The following FRAS1 variants were observed in gnomAD, a reference collection of about 807,000 sequenced individuals.
The protein encoded by FRAS1 is Fraser extracellular matrix complex subunit 1.
A neutral mutation model predicts 435.2 loss-of-function variants in FRAS1; 290 were observed. The ratio of observed to expected loss-of-function variants is 0.67; its 90% CI spans 0.61 to 0.73. The LOEUF is 0.73. FRAS1 is among the 30% of genes least tolerant of loss of function. The probability of loss-of-function intolerance (pLI) is 0.00; values close to 1 mark genes in which losing one functional copy is unlikely to be tolerated. For synonymous variants in FRAS1, 1,800 were observed against 1,851.0 expected (o/e 0.97, Z 0.71); for missense variants, 4,860 against 5,001.5 (o/e 0.97, Z 0.85).
chr4:78,406,310 A>T (rs1447622002), intron 30 of FRAS1, among the ~76,000 whole-genome samples: 1 of 152,188 alleles, frequency 6.6e-6, no homozygotes, highest in East Asian at 1.9e-4. Flanking sequence ...GAATTAATAG[A>T]AGTGTATTAG....
rs1415223243 is a variant in FRAS1, at chr4:78,302,109, G to GT, written c.1535-5951dup. 5.3e-5 allele frequency among the ~76,000 whole-genome samples: 8 copies of GT among 151,146 alleles called. No homozygotes were observed. In the East Asian group the frequency reaches 1.4e-3, roughly 26 times the overall value. On this transcript the variant is annotated intron_variant, in intron 14 of 73. Coordinates refer to ENST00000512123, the MANE Select transcript of FRAS1 (RefSeq NM_025074.7). Reference sequence around the variant, plus strand: ...TATGAGTGAGAATATGCGGTGTTTGGTTTTTTGTTCTTGAGATAGTTTACT... The same window carrying GT: ...TATGAGTGAGAATATGCGGTGTTTGGTTTTTTTGTTCTTGAGATAGTTTACT...
rs758556454 is a variant in FRAS1 at position 78,508,880 on chromosome 4, G to A, written c.9654G>A (p.Glu3218=). The A allele has an allele frequency of 9.3e-6, 15 of 1,613,778 alleles. No homozygotes were observed. In the Admixed American group the frequency reaches 1.5e-4, roughly 16 times the overall value. The change falls in exon 63 of 74, where the codon GAG becomes GAA. Residue 3218 remains glutamate, a synonymous_variant. Transcript: ENST00000512123. ...RYAVMKERCS[E]AGINQTSVQF... The stretch of plus-strand genomic sequence containing the variant: ...CTGTCATGAAGGAGCGCTGCAGTGA[G>A]GCCGGCATCAACCAGACATCTGTGC...
At chr4:78,229,082 G>T (rs1202395348) in intron 2 of FRAS1, among the ~76,000 whole-genome samples, 2 of 152,158 alleles carry the variant, frequency 1.3e-5, no homozygotes, top group African/African-American at 2.4e-5. Flanking sequence ...ATGGAGGTGG[G>T]TTTGGTGGGA....
chr4:78,464,854 A>C (rs1719479604), intron 49 of FRAS1, among the ~76,000 whole-genome samples: 1 of 152,154 alleles, frequency 6.6e-6, no homozygotes, highest in Non-Finnish European at 1.5e-5. Flanking sequence ...TAACATGCTG[A>C]TTTTGTATTG....
intron 61 of FRAS1, among the ~76,000 whole-genome samples, chr4:78,502,117 G>C (rs1281780549): frequency 3.9e-5 from 6 of 152,144 alleles, no homozygotes; most frequent in Admixed American, 3.9e-4. Context: ...TTTGGTTACT[G>C]TAGCCATGTA....
At chr4:78,229,234 A>C (rs534404150) in intron 2 of FRAS1, among the ~76,000 whole-genome samples, 82 of 152,310 alleles carry the variant, frequency 5.4e-4, no homozygotes, top group African/African-American at 1.9e-3. Context: ...ATCTATCTCA[A>C]AGGTTTTAGG....
chr4:78,182,107 G>T, intron 2 of FRAS1: 11 of 1,257,748 alleles, frequency 8.7e-6, no homozygotes, highest in South Asian at 3.3e-5. Flanking sequence ...AGCCAAGAGC[G>T]CCTGCTTCAG....
At chr4:78,199,949 T>C (rs1356421682) in intron 2 of FRAS1, among the ~76,000 whole-genome samples, 2 of 152,358 alleles carry the variant, frequency 1.3e-5, no homozygotes, top group East Asian at 3.8e-4. Context: ...TCTAATACTT[T>C]AAACTTGTAC....
intron 20 of FRAS1, among the ~76,000 whole-genome samples, chr4:78,355,840 C>A (rs1730832189): frequency 6.6e-6 from 1 of 152,170 alleles, no homozygotes; most frequent in East Asian, 1.9e-4. Context: ...ATTTGTTGGT[C>A]TCTCTGAGGA....
At chr4:78,096,976 A>T (rs1259321109) in intron 2 of FRAS1, among the ~76,000 whole-genome samples, 1 of 152,196 alleles carries the variant, frequency 6.6e-6, no homozygotes, top group Non-Finnish European at 1.5e-5. Flanking sequence ...AATTTTCTGA[A>T]CTTTTATGCT....
intron 14 of FRAS1, among the ~76,000 whole-genome samples, chr4:78,298,026 C>A (rs936754394): frequency 7.1e-4 from 80 of 113,342 alleles, no homozygotes; most frequent in East Asian, 3.8e-3. Context: ...CTCTCTCTCT[C>A]TCTCTATATA....
intron 18 of FRAS1, among the ~76,000 whole-genome samples, chr4:78,329,412 T>G (rs764890950): frequency 8.5e-5 from 13 of 152,322 alleles, no homozygotes; most frequent in Non-Finnish European, 1.6e-4. Flanking sequence ...TGTTTTCACT[T>G]TAATCGCTGT....
chr4:78,286,203 A>T (rs1436300134), intron 13 of FRAS1: 6 of 697,856 alleles, frequency 8.6e-6, no homozygotes, highest in Non-Finnish European at 1.6e-5. Flanking sequence ...AATTAAATGA[A>T]TTCATATACG....
At chr4:78,423,118 T>G (rs1487759391) in intron 34 of FRAS1, among the ~76,000 whole-genome samples, 1 of 152,154 alleles carries the variant, frequency 6.6e-6, no homozygotes, top group Non-Finnish European at 1.5e-5. Context: ...TTAAATATTT[T>G]TATGCCTTTG....
At chr4:78,180,919 T>G in intron 2 of FRAS1, 1 of 1,606,736 alleles carries the variant, frequency 6.2e-7, no homozygotes. Flanking sequence ...GCAGAAGTAC[T>G]TGACTTGTCG....
At chr4:78,538,953 TAAAAAAAAA>T (rs10545506) in intron 72 of FRAS1, among the ~76,000 whole-genome samples, 1 of 134,052 alleles carries the variant, frequency 7.5e-6, no homozygotes, top group African/African-American at 2.8e-5. Context: ...AGACTCCATC[TAAAAAAAAA>T]AAAAAAAAAA....
At chr4:78,416,718 GCTTTT>G (rs1201430940) in intron 32 of FRAS1, among the ~76,000 whole-genome samples, 4 of 152,176 alleles carry the variant, frequency 2.6e-5, no homozygotes, top group Non-Finnish European at 5.9e-5. Flanking sequence ...TAGGAACTTA[GCTTTT>G]CTTCTGATTA....
chr4:78,153,132 C>G (rs1156861464), intron 2 of FRAS1, among the ~76,000 whole-genome samples: 7 of 152,118 alleles, frequency 4.6e-5, no homozygotes, highest in Non-Finnish European at 4.4e-5. Context: ...AACTTAAAGA[C>G]TTATCTTATC....
chr4:78,120,089 A>C (rs2867005), intron 2 of FRAS1, among the ~76,000 whole-genome samples: 148,693 of 152,268 alleles, frequency 0.98, 72,690 homozygotes, highest in Middle Eastern at 1. Flanking sequence ...ATGGATGTTT[A>C]TCATATTGTT....
Sources: allele counts gnomAD v4.1 joint callset (sites outside exome capture counted in the v4.1 genomes callset), GRCh38; gene constraint gnomAD v4.1.1; transcripts MANE v1.5; gene names NCBI Gene and HGNC (gene_info 2026-07-23, HGNC 2026-07-21).